The following TENM2 variants were observed in gnomAD, a reference collection of about 807,000 sequenced individuals.
TENM2 encodes the protein teneurin-2.
TENM2 carries 52 observed loss-of-function variants against 245.2 expected under a neutral mutation model. The ratio of observed to expected loss-of-function variants is 0.21; its 90% CI spans 0.17 to 0.27. The LOEUF (loss-of-function observed/expected upper bound fraction) is 0.27, where lower values mean the gene tolerates loss of function less well. Ranked by LOEUF, TENM2 falls within the 10% of genes least tolerant of loss-of-function variation. The pLI is 1.00. For synonymous variants in TENM2, 1,363 were observed against 1,438.9 expected, an observed-to-expected ratio of 0.95 and a Z score of 1.19; for missense variants, 3,046 against 3,666.8, an observed-to-expected ratio of 0.83 and a Z score of 4.37.
intron 2 of TENM2, among the ~76,000 whole-genome samples, chr5:167,566,209 A>G (rs1319925804): frequency 2.0e-5 from 3 of 151,746 alleles, no homozygotes; most frequent in African/African-American, 7.3e-5. Flanking sequence ...AAAGAGTTAA[A>G]TAGGGGAGCT....
the TENM2 span, among the ~76,000 whole-genome samples, chr5:167,038,737 A>G: frequency 2.6e-5 from 4 of 152,198 alleles, no homozygotes; most frequent in African/African-American, 9.6e-5. Context: ...CGTTCTTTCA[A>G]CTTAACACTT....
chr5:167,483,470 A>C (rs1767884954), intron 2 of TENM2, among the ~76,000 whole-genome samples: 1 of 152,222 alleles, frequency 6.6e-6, no homozygotes, highest in Admixed American at 6.5e-5. Flanking sequence ...AAAGAGTTTA[A>C]ATGGGCCCAA....
At chr5:167,570,663 T>C (rs59577747) in intron 2 of TENM2, among the ~76,000 whole-genome samples, 38,284 of 152,004 alleles carry the variant, frequency 0.25, 6,843 homozygotes, top group African/African-American at 0.5. Flanking sequence ...GGAATGGGTG[T>C]TGCATTTCAC....
chr5:167,562,043 A>T (rs1428238819), intron 2 of TENM2, among the ~76,000 whole-genome samples: 1 of 152,122 alleles, frequency 6.6e-6, no homozygotes, highest in Admixed American at 6.5e-5. Context: ...GTGAGCGTGG[A>T]GGGATTCGCT....
At chr5:168,188,963 T>C (rs1045058510) in intron 13 of TENM2, among the ~76,000 whole-genome samples, 6 of 152,242 alleles carry the variant, frequency 3.9e-5, no homozygotes, top group Admixed American at 2.0e-4. Context: ...CAACAAACAT[T>C]TATTTCTCGC....
chr5:168,149,946 T>A (rs1445553296), intron 12 of TENM2, among the ~76,000 whole-genome samples: 4 of 152,140 alleles, frequency 2.6e-5, no homozygotes, highest in Non-Finnish European at 5.9e-5. Context: ...ATTTGTTTCC[T>A]CCCCTCCTTT....
intron 2 of TENM2, among the ~76,000 whole-genome samples, chr5:167,583,231 C>G (rs1259542361): frequency 1.3e-5 from 2 of 152,128 alleles, no homozygotes; most frequent in Admixed American, 6.6e-5. Flanking sequence ...CATGCCTTGG[C>G]TTAGAACTTA....
rs926245578 is a variant in TENM2, at chr5:168,260,490, G to C, written c.7563+77G>C. 3.9e-6 allele frequency: 6 copies of C among 1,544,670 alleles called. No homozygotes were observed. The African/African-American group carries it at 5.4e-5, about 14-fold the overall frequency. The stretch of plus-strand genomic sequence containing the variant: ...GCAAACAGAACCTCATGGGAGCCAG[G>C]GGCATGTCAGCGCAGGAAAACATTG... On this transcript the variant is annotated intron_variant, in intron 28 of 28. Coordinates refer to ENST00000518659, the Ensembl canonical transcript of TENM2.
intron 2 of TENM2, among the ~76,000 whole-genome samples, chr5:167,831,425 C>A (rs1170449855): frequency 6.7e-6 from 1 of 150,320 alleles, no homozygotes; most frequent in African/African-American, 2.4e-5. Context: ...GGTTGCAGAG[C>A]ATGCCAGGAA....
chr5:167,499,144 G>T (rs76075501), intron 2 of TENM2, among the ~76,000 whole-genome samples: 2 of 151,996 alleles, frequency 1.3e-5, no homozygotes, highest in Non-Finnish European at 2.9e-5. Context: ...TCTGTGTCCC[G>T]TGGGACCTTT....
chr5:167,699,932 G>A (rs561251305), intron 2 of TENM2, among the ~76,000 whole-genome samples: 1 of 152,310 alleles, frequency 6.6e-6, no homozygotes, highest in Admixed American at 6.5e-5. Flanking sequence ...CACATAGCTA[G>A]AAATGGAGAG....
At chr5:167,814,464 A>AG (rs1472271079) in intron 2 of TENM2, among the ~76,000 whole-genome samples, 10 of 151,024 alleles carry the variant, frequency 6.6e-5, no homozygotes, top group East Asian at 2.0e-4. Context: ...AAAAAAAAAA[A>AG]AAAAAGAAAA....
At chr5:167,333,493 G>T (rs1187199707) in intron 1 of TENM2, among the ~76,000 whole-genome samples, 1 of 152,162 alleles carries the variant, frequency 6.6e-6, no homozygotes, top group African/African-American at 2.4e-5. Flanking sequence ...TACCTGATCA[G>T]TGAGCCATGT....
intron 2 of TENM2, among the ~76,000 whole-genome samples, chr5:167,850,720 G>T (rs1370046400): frequency 1.3e-5 from 2 of 152,206 alleles, no homozygotes; most frequent in Middle Eastern, 3.4e-3. Flanking sequence ...ATACTTTCTT[G>T]ATATTTTAAG....
At chr5:167,926,509 C>T (rs1293866746) in intron 3 of TENM2, among the ~76,000 whole-genome samples, 1 of 152,090 alleles carries the variant, frequency 6.6e-6, no homozygotes, top group Non-Finnish European at 1.5e-5. Context: ...CACCTGAGGC[C>T]AGGAGTTCGA....
intron 2 of TENM2, among the ~76,000 whole-genome samples, chr5:167,648,772 A>G (rs1780141521): frequency 1.3e-5 from 2 of 152,210 alleles, no homozygotes; most frequent in African/African-American, 4.8e-5. Flanking sequence ...GATGTTGGGA[A>G]TCAGTTAATT....
At chr5:167,040,428 A>C in the TENM2 span, among the ~76,000 whole-genome samples, 1 of 152,052 alleles carries the variant, frequency 6.6e-6, no homozygotes, top group South Asian at 2.1e-4. Flanking sequence ...ACTAAACTGA[A>C]ATAGTAAACA....
chr5:167,060,400 C>G, the TENM2 span, among the ~76,000 whole-genome samples: 1 of 152,060 alleles, frequency 6.6e-6, no homozygotes, highest in South Asian at 2.1e-4. Context: ...CGCCTGTAAT[C>G]CCAGCACTTT....
intron 1 of TENM2, among the ~76,000 whole-genome samples, chr5:167,344,120 C>G (rs963686579): frequency 4.7e-5 from 7 of 148,998 alleles, no homozygotes; most frequent in African/African-American, 1.7e-4. Context: ...ACTTATATAT[C>G]AGTTATATAT....
Sources: gnomAD v4.1 joint callset for allele counts (sites outside exome capture counted in the v4.1 genomes callset) on GRCh38, gnomAD v4.1.1 for gene constraint, MANE v1.5 for transcripts, NCBI Gene and HGNC (gene_info 2026-07-23, HGNC 2026-07-21) for gene names.